MFSD12: variants seen among roughly 807,000 people sequenced by gnomAD.
The protein encoded by MFSD12 is major facilitator superfamily domain-containing protein 12.
MFSD12 carries 67 observed loss-of-function variants against 51.2 expected under a neutral mutation model. The observed-to-expected ratio is 1.31, with a 90% CI of 1.08 to 1.60. MFSD12 has a LOEUF of 1.60. MFSD12 is among the 40% of genes most tolerant of loss of function. MFSD12 has a pLI of 0.00. For missense variants in MFSD12, 921 were observed against 673.0 expected (o/e 1.37, Z -4.08); for synonymous variants, 441 against 316.7 (o/e 1.39, Z -4.17).
intron 8 of MFSD12, 70 bp from the exon 9 acceptor site, chr19:3,545,009 G>A (rs2030863562): frequency 1.3e-6 from 2 of 1,516,322 alleles, no homozygotes; most frequent in East Asian, 2.4e-5. Context: ...CTGAACCTGT[G>A]CCTCCCCTCA....
rs201875345 is a variant in MFSD12 at position 3,546,162 on chromosome 19, C to T, written c.1201G>A (p.Gly401Arg). 1.3e-5 allele frequency: 21 copies of T among 1,613,084 alleles called. No individual in the cohort carries two copies. Among genetic ancestry groups the T allele is most frequent in the African/African-American group, 2.7e-5 (2 of 75,068 alleles). Residue 401 changes from glycine to arginine, a missense_variant, in exon 8 of 10, where the codon GGA becomes AGA. Gly to Arg is a moderately radical substitution (Grantham distance 125). Transcript: ENST00000355415. ...ADLIGPHTNS[G>R]AFVYGSMSFL... The stretch of plus-strand genomic sequence containing the variant: ...CTCATGGAGCCGTACACGAACGCTC[C>T]GCTGTTCTGTGGAGACACAGGCGAG...
At chr19:3,546,038 G>A (rs747194956) in intron 8 of MFSD12, 36 bp downstream of exon 8, 2 of 1,607,026 alleles carry the variant, frequency 1.2e-6, no homozygotes, top group South Asian at 1.1e-5. Context: ...CCCTCTTACT[G>A]AACAAAAGAA....
intron 4 of MFSD12, chr19:3,538,947 CAG>C (rs984974816): frequency 2.6e-5 from 17 of 644,684 alleles, no homozygotes; most frequent in Non-Finnish European, 4.8e-5. Context: ...GCTGGGGGCT[CAG>C]GGCCACGGAC....
At chr19:3,554,289 T>C (rs1024302341) in intron 1 of MFSD12, among the ~76,000 whole-genome samples, 11 of 151,128 alleles carry the variant, frequency 7.3e-5, no homozygotes, top group African/African-American at 2.7e-4. Context: ...ATTTAAAAAT[T>C]AGCCGGCTTT....
chr19:3,554,123 GAGAA>G (rs1474728707), intron 1 of MFSD12, among the ~76,000 whole-genome samples: 4 of 151,792 alleles, frequency 2.6e-5, no homozygotes, highest in Non-Finnish European at 5.9e-5. Context: ...AAAAAAAGAA[GAGAA>G]AGAAGGGTAG....
downstream of MFSD12, chr19:3,543,001 T>G: frequency 6.3e-7 from 1 of 1,597,322 alleles, no homozygotes; most frequent in South Asian, 1.1e-5. Context: ...GGTTTAGTGC[T>G]GACTTGGGTG....
chr19:3,551,424 G>A lies in MFSD12; in HGVS notation c.299-230C>T, dbSNP rs2031472142. On this transcript the variant is annotated intron_variant, in intron 1 of 9. Transcript: ENST00000355415. The surrounding 1 kb of genome is among the most constrained non-coding windows in gnomAD (Gnocchi z 4.6). The stretch of plus-strand genomic sequence containing the variant: ...GTGCCTGGGCTCAGCCTGCAAGTCA[G>A]AAGAAGCCAGGCGCAGGGGGTCCCC... Among the ~76,000 whole-genome samples the A allele has an allele frequency of 6.6e-6, 1 of 152,200 alleles. No individual in the cohort carries two copies. The highest frequency in any genetic ancestry group is 2.4e-5 in the African/African-American group (1 of 41,448).
intron 2 of MFSD12, 89 bp from the exon 3 acceptor site, chr19:3,548,356 G>T: frequency 6.7e-7 from 1 of 1,497,408 alleles, no homozygotes; most frequent in Non-Finnish European, 8.9e-7. Context: ...AGAGGCCTGG[G>T]GAACCCCTGA....
chr19:3,547,775 G>A, intron 4 of MFSD12, 73 bp downstream of exon 4: 2 of 1,440,650 alleles, frequency 1.4e-6, no homozygotes, highest in Non-Finnish European at 1.8e-6. Flanking sequence ...TCTGGACGCA[G>A]CTGCCCCACA....
downstream of MFSD12, among the ~76,000 whole-genome samples, chr19:3,541,118 G>A (rs1367949701): frequency 1.4e-5 from 2 of 144,144 alleles, no homozygotes; most frequent in African/African-American, 2.6e-5. Context: ...GCAGTGAGCC[G>A]AGATCAGGCC....
chr19:3,544,822 G>A lies in MFSD12; in HGVS notation c.1407C>T (p.Thr469=), dbSNP rs201876501. The change falls in exon 9 of 10, where the codon ACC becomes ACT. Residue 469 remains threonine, a synonymous_variant. Transcript: ENST00000355415. The part of the protein sequence containing the change: ...LCLCSLLLWP[T]RLRRWDRDAR... ...GCCAGGACTCACAGCGTCGCAGGCGGGTCGGCCACAGCAGGAGGCTACAGA... is the reference window on the plus strand; with the variant it reads ...GCCAGGACTCACAGCGTCGCAGGCGAGTCGGCCACAGCAGGAGGCTACAGA... 6.2e-7 allele frequency: 1 copy of A among 1,612,516 alleles called. No homozygotes were observed. Among genetic ancestry groups the A allele is most frequent in the Non-Finnish European group, 8.5e-7 (1 of 1,179,594 alleles).
chr19:3,556,215 T>C (rs929044686), intron 1 of MFSD12, among the ~76,000 whole-genome samples: 1 of 152,198 alleles, frequency 6.6e-6, no homozygotes, highest in African/African-American at 2.4e-5. Context: ...CTAGGGGGCC[T>C]GACTGTCCCT....
Position 3,551,715 on chromosome 19 carries a change from C to CAG in MFSD12, c.299-522_299-521insCT, listed in dbSNP as rs2145212103. ...TCTGCGGTGGCAAGGCCTGGCTCTT[C>CAG]ACATCCTCAGAAGAAAACCCCTAAG... On this transcript the variant is annotated intron_variant, in intron 1 of 9. Coordinates refer to ENST00000355415, the MANE Select transcript of MFSD12 (RefSeq NM_174983.5). This position sits in a 1 kb window ranked among gnomAD's most constrained non-coding sequence, Gnocchi z 4.6. Among the ~76,000 whole-genome samples the CAG allele has an allele frequency of 6.6e-6, 1 of 152,292 alleles. No homozygotes were observed. Among genetic ancestry groups the CAG allele is most frequent in the African/African-American group, 2.4e-5 (1 of 41,568 alleles).
intron 8 of MFSD12, among the ~76,000 whole-genome samples, chr19:3,545,206 G>C (rs750774907): frequency 6.6e-6 from 1 of 151,940 alleles, no homozygotes; most frequent in African/African-American, 2.4e-5. Context: ...GCCTGCACCC[G>C]CCCCGGTCCC....
downstream of MFSD12, chr19:3,542,530 A>G: frequency 1.1e-6 from 1 of 910,704 alleles, no homozygotes; most frequent in Non-Finnish European, 1.3e-6. Flanking sequence ...CTGGAGTGCA[A>G]GGGCACGATC....
chr19:3,549,164 TA>T (rs1241541971), intron 2 of MFSD12, among the ~76,000 whole-genome samples: 2 of 152,212 alleles, frequency 1.3e-5, no homozygotes, highest in Admixed American at 6.5e-5. Flanking sequence ...ATCATCCTCG[TA>T]ACCAGAAGAA....
Position 3,544,636 on chromosome 19 carries a change from T to C in MFSD12, c.*74A>G, listed in dbSNP as rs114947471. ...GAAGAGTGAGGGGCAGTGGGGGCTT[T>C]TCCCCAAGGCCCTGGGGGGCATCCT... On this transcript the variant is annotated 3_prime_UTR_variant, in exon 10 of 10. Coordinates refer to ENST00000355415, the MANE Select transcript of MFSD12 (RefSeq NM_174983.5). The C allele has an allele frequency of 0.01, 15,690 of 1,522,376 alleles. 750 individuals carry two copies. The highest frequency in any genetic ancestry group is 0.1 in the South Asian group (7,825 of 78,392). The allele number at this position is 1,522,376 out of a possible 1,614,324, so 94.3% of individuals were successfully genotyped here.
chr19:3,540,407 G>A (rs1270564673), downstream of MFSD12, among the ~76,000 whole-genome samples: 2 of 151,634 alleles, frequency 1.3e-5, no homozygotes, highest in African/African-American at 2.4e-5. Context: ...ACAGGCATGC[G>A]CTACCATGCC....
intron 8 of MFSD12, among the ~76,000 whole-genome samples, chr19:3,545,263 C>T (rs1429630730): frequency 1.3e-5 from 2 of 152,238 alleles, no homozygotes; most frequent in Non-Finnish European, 2.9e-5. Context: ...CAGCAACCAC[C>T]AGAGGGCGTC....
Sources: gnomAD v4.1 joint callset for allele counts (sites outside exome capture counted in the v4.1 genomes callset) on GRCh38, gnomAD v4.1.1 for gene constraint, Gnocchi (gnomAD v3.1) non-coding constraint, MANE v1.5 for transcripts, NCBI Gene and HGNC (gene_info 2026-07-23, HGNC 2026-07-21) for gene names.